Variants in FILIP1L observed in about 807,000 individuals in gnomAD.
FILIP1L encodes filamin A-interacting protein 1-like.
Under a neutral mutation model 96.6 loss-of-function variants are expected in FILIP1L, and 55 were observed. The observed-to-expected ratio is 0.57, with a 90% CI of 0.46 to 0.71. The LOEUF is 0.71. FILIP1L is among the 30% of genes least tolerant of loss of function. The probability of loss-of-function intolerance (pLI) is 0.00; values close to 1 mark genes in which losing one functional copy is unlikely to be tolerated. For synonymous variants in FILIP1L, 467 were observed against 473.9 expected (o/e 0.99, Z 0.19); for missense variants, 1,304 against 1,321.2 (o/e 0.99, Z 0.20).
intron 1 of FILIP1L, among the ~76,000 whole-genome samples, chr3:100,061,017 A>G (rs2065556114): frequency 6.6e-6 from 1 of 152,154 alleles, no homozygotes; most frequent in African/African-American, 2.4e-5. Flanking sequence ...AGCCACACAC[A>G]AGAAACCACA....
At chr3:99,837,139 G>A (rs114189461) in intron 5 of FILIP1L, among the ~76,000 whole-genome samples, 1,760 of 152,180 alleles carry the variant, frequency 0.012, 19 homozygotes, top group African/African-American at 0.026. Flanking sequence ...TTATAATCAG[G>A]AAATTTCATA....
intron 1 of FILIP1L, among the ~76,000 whole-genome samples, chr3:100,024,150 G>T (rs911770698): frequency 1.3e-5 from 2 of 152,042 alleles, no homozygotes; most frequent in African/African-American, 4.8e-5. Flanking sequence ...TGTCATGGTC[G>T]CCTATTTCAT....
intron 1 of FILIP1L, among the ~76,000 whole-genome samples, chr3:99,967,302 T>G (rs1708683195): frequency 6.6e-6 from 1 of 152,216 alleles, no homozygotes; most frequent in Admixed American, 6.5e-5. Flanking sequence ...AGGATAGTGT[T>G]GGTAATAATG....
intron 4 of FILIP1L, among the ~76,000 whole-genome samples, chr3:99,899,087 C>A (rs1706354590): frequency 6.6e-6 from 1 of 152,096 alleles, no homozygotes; most frequent in African/African-American, 2.4e-5. Context: ...AGTGAATGTG[C>A]TTTGATTATA....
chr3:99,894,622 G>A (rs1706190084), intron 4 of FILIP1L, among the ~76,000 whole-genome samples: 1 of 152,172 alleles, frequency 6.6e-6, no homozygotes, highest in South Asian at 2.1e-4. Context: ...TTTTTTAAAT[G>A]TAGGAAGTTT....
At chr3:100,066,571 G>A (rs1241326993) in intron 1 of FILIP1L, among the ~76,000 whole-genome samples, 3 of 98,010 alleles carry the variant, frequency 3.1e-5, no homozygotes, top group African/African-American at 3.9e-5. Flanking sequence ...TCGCTCTGTC[G>A]CCCAGGCTGG....
intron 1 of FILIP1L, among the ~76,000 whole-genome samples, chr3:100,086,748 C>CT (rs1479672888): frequency 1.3e-5 from 2 of 152,100 alleles, no homozygotes; most frequent in East Asian, 3.9e-4. Flanking sequence ...ACTTTTGTGT[C>CT]TAGGACAGGT....
At chr3:99,971,906 G>T (rs1161068973) in intron 1 of FILIP1L, among the ~76,000 whole-genome samples, 4 of 152,204 alleles carry the variant, frequency 2.6e-5, no homozygotes, top group African/African-American at 9.7e-5. Flanking sequence ...TTTGGTACAG[G>T]TAGGATTATG....
chr3:99,849,186 C>A lies in FILIP1L; in HGVS notation c.2490G>T (p.Glu830Asp). ...RAVINGQLYE[E>D]SENQDEDPND... ...TAGGGTCCTCGTCTTGATTCTCACTCTCCTCATATAACTGACCATTGATGA... is the reference window on the plus strand; with the variant it reads ...TAGGGTCCTCGTCTTGATTCTCACTATCCTCATATAACTGACCATTGATGA... Residue 830 changes from glutamate to aspartate, a missense_variant, in exon 5 of 6, where the codon GAG becomes GAT. Coordinates refer to ENST00000477258, the MANE Select transcript of FILIP1L (RefSeq NM_001387850.1). The A allele has an allele frequency of 6.2e-7, 1 of 1,614,174 alleles. No homozygotes were observed. Among genetic ancestry groups the A allele is most frequent in the Non-Finnish European group, 8.5e-7 (1 of 1,180,030 alleles).
intron 4 of FILIP1L, among the ~76,000 whole-genome samples, chr3:99,857,857 T>A (rs756595895): frequency 1.3e-4 from 20 of 152,238 alleles, no homozygotes; most frequent in Non-Finnish European, 2.6e-4. Flanking sequence ...ATTTAATGTT[T>A]CTGATGTTAT....
chr3:99,942,379 A>G (rs1015632925), intron 1 of FILIP1L, among the ~76,000 whole-genome samples: 2 of 152,184 alleles, frequency 1.3e-5, no homozygotes, highest in Admixed American at 1.3e-4. Flanking sequence ...CAGGGGATAG[A>G]GGTGAAATAA....
At chr3:99,999,758 C>G (rs1559720259) in intron 1 of FILIP1L, among the ~76,000 whole-genome samples, 1 of 152,192 alleles carries the variant, frequency 6.6e-6, no homozygotes, top group East Asian at 1.9e-4. Context: ...TGGTCTCTTG[C>G]TCAATGGCAA....
chr3:99,913,731 G>A lies in FILIP1L; in HGVS notation c.605+10499C>T, dbSNP rs117859753. Among the ~76,000 whole-genome samples, 715 of 152,302 alleles carry A rather than the reference G, an allele frequency of 4.7e-3. 29 individuals carry two copies. In the East Asian group the frequency reaches 0.096, roughly 20 times the overall value. ...GAGTAGGAAGTGAGAGCAGGGCTAT[G>A]TGCGTGACCCTGAAGCATATATGCA... is the stretch of plus-strand genomic sequence containing the variant. On this transcript the variant is annotated intron_variant, in intron 4 of 5. Transcript: ENST00000477258.
intron 4 of FILIP1L, among the ~76,000 whole-genome samples, chr3:99,872,578 C>A (rs1387640246): frequency 1.3e-5 from 2 of 151,968 alleles, no homozygotes; most frequent in Non-Finnish European, 2.9e-5. Flanking sequence ...CCCTGCCTGC[C>A]CCCACAAACA....
chr3:99,874,013 C>T (rs1705377226), intron 4 of FILIP1L, among the ~76,000 whole-genome samples: 1 of 152,110 alleles, frequency 6.6e-6, no homozygotes, highest in Non-Finnish European at 1.5e-5. Context: ...CCAAAGAGCC[C>T]AGTGTGAGAT....
chr3:99,974,533 A>G (rs1296572492), intron 1 of FILIP1L, among the ~76,000 whole-genome samples: 9 of 151,990 alleles, frequency 5.9e-5, no homozygotes, highest in African/African-American at 2.2e-4. Context: ...AACATGGAGA[A>G]ACCCCGTCTC....
At chr3:99,841,562 G>A (rs1333888953) in intron 5 of FILIP1L, among the ~76,000 whole-genome samples, 1 of 152,164 alleles carries the variant, frequency 6.6e-6, no homozygotes, top group Non-Finnish European at 1.5e-5. Flanking sequence ...GGACGAGGTA[G>A]GCTTTGTAGG....
chr3:99,997,526 C>T (rs1320646532), intron 1 of FILIP1L, among the ~76,000 whole-genome samples: 1 of 152,098 alleles, frequency 6.6e-6, no homozygotes, highest in Non-Finnish European at 1.5e-5. Flanking sequence ...CATTAGAATA[C>T]GTAGGAAGCT....
chr3:99,886,240 TGAGAGGGGAATGAGTGTAAAG>T (rs1244177402), intron 4 of FILIP1L, among the ~76,000 whole-genome samples: 71 of 85,454 alleles, frequency 8.3e-4, no homozygotes, highest in African/African-American at 3.2e-3. Context: ...GAGTTCCTGG[TGAGAGGGGAATGAGTGTAAAG>T]CAGGGATGTT....
Sources: allele counts gnomAD v4.1 joint callset (sites outside exome capture counted in the v4.1 genomes callset), GRCh38; gene constraint gnomAD v4.1.1; transcripts MANE v1.5; gene names NCBI Gene and HGNC (gene_info 2026-07-23, HGNC 2026-07-21).